The following COL4A6 variants were observed in gnomAD, a reference collection of about 807,000 sequenced individuals.
COL4A6 encodes the protein collagen type IV alpha 6 chain, also known as collagen alpha-6(IV) chain.
COL4A6 carries 59 observed loss-of-function variants against 126.7 expected under a neutral mutation model. The ratio of observed to expected loss-of-function variants is 0.47; its 90% CI spans 0.38 to 0.58. The LOEUF (loss-of-function observed/expected upper bound fraction) is 0.58, where lower values mean the gene tolerates loss of function less well. Ranked by LOEUF, COL4A6 falls within the 20% of genes least tolerant of loss-of-function variation. The pLI, the probability that COL4A6 is intolerant of heterozygous loss-of-function variation, is 0.00. For synonymous variants in COL4A6, 547 were observed against 496.6 expected (o/e 1.10, Z -1.35); for missense variants, 1,285 against 1,337.3 (o/e 0.96, Z 0.61).
rs1469709782 is a variant in COL4A6, at chrX:108,165,389, T to C, written c.3789A>G (p.Pro1263=). ...CTTTACCTCGTTCTCCATCTAGGCCTGGTCGCCCGGGGTCACCAGGCTGTC... is the reference window on the plus strand; with the variant it reads ...CTTTACCTCGTTCTCCATCTAGGCCCGGTCGCCCGGGGTCACCAGGCTGTC... ...IAGQPGDPGR[P]GLDGERGRPG... The change falls in exon 38 of 45, where the codon CCA becomes CCG. Residue 1263 remains proline, a synonymous_variant. Coordinates refer to ENST00000334504, the MANE Select transcript of COL4A6 (RefSeq NM_033641.4). 2 of 1,206,991 alleles carry C rather than the reference T, an allele frequency of 1.7e-6. No homozygotes were observed. Among genetic ancestry groups the C allele is most frequent in the Non-Finnish European group, 2.2e-6 (2 of 893,659 alleles).
chrX:108,239,675 C>A (rs1402626566), intron 3 of COL4A6, among the ~76,000 whole-genome samples: 1 of 111,505 alleles, frequency 9.0e-6, no homozygotes, highest in Non-Finnish European at 1.9e-5. Context: ...TACCAAAAAT[C>A]CATCCTTCCC....
chrX:108,329,505 C>T (rs964400284), intron 2 of COL4A6, among the ~76,000 whole-genome samples: 3 of 111,179 alleles, frequency 2.7e-5, no homozygotes, highest in African/African-American at 9.8e-5. Context: ...TCTGGATATT[C>T]GATTATATTA....
intron 2 of COL4A6, among the ~76,000 whole-genome samples, chrX:108,405,281 C>T (rs1281386693): frequency 9.1e-6 from 1 of 110,074 alleles, no homozygotes; most frequent in Non-Finnish European, 1.9e-5. Flanking sequence ...TCACTGCAAC[C>T]TCTGCCTCCC....
intron 1 of COL4A6, 23 bp downstream of exon 1, chrX:108,438,163 A>G (rs2064306436): frequency 8.3e-7 from 1 of 1,205,399 alleles, no homozygotes; most frequent in Non-Finnish European, 1.1e-6. Flanking sequence ...AGAGGAGGGG[A>G]GCTCGGGGCA....
At chrX:108,159,814 T>C in intron 43 of COL4A6, 66 bp from the exon 44 acceptor site, 1 of 1,151,165 alleles carries the variant, frequency 8.7e-7, no homozygotes. Context: ...GAGATGGTGG[T>C]TTGGGTTTAC....
At chrX:108,256,788 T>A (rs1482795241) in intron 3 of COL4A6, among the ~76,000 whole-genome samples, 2 of 111,278 alleles carry the variant, frequency 1.8e-5, no homozygotes, top group African/African-American at 6.5e-5. Context: ...AGATTTGAGT[T>A]TCTTATTCAA....
At chrX:108,207,773 G>A (rs1014168555) in intron 8 of COL4A6, among the ~76,000 whole-genome samples, 2 of 111,541 alleles carry the variant, frequency 1.8e-5, no homozygotes, top group African/African-American at 6.5e-5. Flanking sequence ...ATTATTAAAA[G>A]TATAGGGGAG....
intron 2 of COL4A6, among the ~76,000 whole-genome samples, chrX:108,342,922 A>G (rs1292456708): frequency 9.1e-6 from 1 of 109,371 alleles, no homozygotes; most frequent in African/African-American, 3.3e-5. Flanking sequence ...CTGGGGATAC[A>G]GTGGAAAACA....
chrX:108,275,379 C>T (rs1276237414), intron 3 of COL4A6, among the ~76,000 whole-genome samples: 1 of 111,967 alleles, frequency 8.9e-6, no homozygotes, highest in Non-Finnish European at 1.9e-5. Flanking sequence ...GTACCCTGGC[C>T]CATATTTATC....
chrX:108,176,252 G>C (rs1247404629), intron 28 of COL4A6, among the ~76,000 whole-genome samples: 1 of 108,199 alleles, frequency 9.2e-6, no homozygotes, highest in East Asian at 2.9e-4. Context: ...TTGAACCTGG[G>C]GGGCAGAGGT....
chrX:108,304,472 C>G (rs966363106), intron 3 of COL4A6, among the ~76,000 whole-genome samples: 2 of 111,330 alleles, frequency 1.8e-5, no homozygotes, highest in South Asian at 3.8e-4. Context: ...TTACTTCCCC[C>G]CTCCCACAAG....
At chrX:108,364,977 A>C (rs892639918) in intron 2 of COL4A6, among the ~76,000 whole-genome samples, 2 of 110,848 alleles carry the variant, frequency 1.8e-5, no homozygotes, top group African/African-American at 6.6e-5. Flanking sequence ...CACATATTCC[A>C]TGATGTCACC....
intron 3 of COL4A6, chrX:108,269,278 A>C: frequency 3.7e-6 from 1 of 268,646 alleles, no homozygotes; most frequent in South Asian, 3.9e-5. Flanking sequence ...GCACACTGTC[A>C]GTGCAGATCA....
chrX:108,240,930 C>T (rs1211688017), intron 3 of COL4A6, among the ~76,000 whole-genome samples: 1 of 111,166 alleles, frequency 9.0e-6, no homozygotes, highest in Non-Finnish European at 1.9e-5. Flanking sequence ...GGGGAAGTAT[C>T]TCTGAAACTG....
At position 108,310,805 on chromosome X, in the gene COL4A6, T is replaced by G; in HGVS notation, c.87A>C (p.Pro29=). 2 of 1,209,179 alleles carry G rather than the reference T, an allele frequency of 1.7e-6. No homozygotes were observed. Among genetic ancestry groups the G allele is most frequent in the South Asian group, 3.5e-5 (2 of 56,645 alleles). ...AAAGEKSYGK[P]CGGQDCSGSC... is the part of the protein sequence containing the mutation. ...TCCCACTGCAGTCCTGGCCCCCACA[T>G]GGCTTTCCATAAGACTTCTCTCCCT... Residue 29 remains proline (P), a synonymous_variant, in exon 3 of 45, where the codon CCA becomes CCC. Coordinates refer to ENST00000334504, the MANE Select transcript of COL4A6 (RefSeq NM_033641.4).
At chrX:108,242,884 G>T (rs1378730633) in intron 3 of COL4A6, among the ~76,000 whole-genome samples, 1 of 111,248 alleles carries the variant, frequency 9.0e-6, no homozygotes, top group Non-Finnish European at 1.9e-5. Flanking sequence ...CAAGCACCTT[G>T]TTCTGAGAAC....
Position 108,160,622 on chromosome X carries a change from G to C in COL4A6, c.4366C>G (p.Pro1456Ala). ...APGQQGPFGM[P>A]GMPGQSMRVG... is the part of the protein sequence containing the mutation. Reference sequence around the variant, plus strand: ...CTCATGCTCTGGCCAGGCATTCCAGGCATCCCGAAGGGGCCTTGCTGCCCT... The same window carrying C: ...CTCATGCTCTGGCCAGGCATTCCAGCCATCCCGAAGGGGCCTTGCTGCCCT... Residue 1456 changes from proline to alanine, a missense_variant, in exon 43 of 45, where the codon CCT (proline) becomes GCT (alanine). Pro to Ala is a conservative substitution (Grantham distance 27). Transcript: ENST00000334504. 5.0e-6 allele frequency: 6 copies of C among 1,209,780 alleles called. No homozygotes were observed. Among genetic ancestry groups the C allele is most frequent in the Non-Finnish European group, 6.7e-6 (6 of 894,635 alleles).
At chrX:108,314,990 A>G in intron 2 of COL4A6, among the ~76,000 whole-genome samples, 1 of 111,976 alleles carries the variant, frequency 8.9e-6, no homozygotes, top group Non-Finnish European at 1.9e-5. Context: ...AGTGCTGTGC[A>G]CTGGTATGAT....
intron 3 of COL4A6, among the ~76,000 whole-genome samples, chrX:108,294,413 TGGTG>T (rs1215034277): frequency 9.8e-6 from 1 of 102,036 alleles, no homozygotes. Flanking sequence ...TTTTTTTTTT[TGGTG>T]TGTGTGTGTG....
Sources: allele counts gnomAD v4.1 joint callset (sites outside exome capture counted in the v4.1 genomes callset), GRCh38; gene constraint gnomAD v4.1.1; transcripts MANE v1.5; gene names NCBI Gene and HGNC (gene_info 2026-07-23, HGNC 2026-07-21).